The following RSF1 variants were observed in gnomAD, a reference collection of about 807,000 sequenced individuals.
RSF1 encodes HBV pX-associated protein 8.
RSF1 carries 13 observed loss-of-function variants against 145.2 expected under a neutral mutation model. The ratio of observed to expected loss-of-function variants is 0.09; its 90% CI spans 0.06 to 0.14. The LOEUF is 0.14. Among genes scored for constraint, RSF1 ranks in the 10% least tolerant of loss-of-function variants. The pLI is 1.00. For synonymous variants in RSF1, 577 were observed against 592.6 expected, an observed-to-expected ratio of 0.97 and a Z score of 0.38; for missense variants, 1,517 against 1,718.2, an observed-to-expected ratio of 0.88 and a Z score of 2.07.
rs534743883 is a variant in RSF1 at position 77,724,792 on chromosome 11, G to C, written c.733+753C>G. Among the ~76,000 whole-genome samples, 27 of 152,262 alleles carry C rather than the reference G, an allele frequency of 1.8e-4. No homozygotes were observed. In the South Asian group the frequency reaches 5.2e-3, roughly 29 times the overall value. The stretch of plus-strand genomic sequence containing the variant: ...CCCATGAGAATTTAACACCGCCATT[G>C]ATCTGACAGGAGGTGGAGCTTGGGC... On this transcript the variant is annotated intron_variant, in intron 5 of 15. Coordinates refer to ENST00000308488, the MANE Select transcript of RSF1 (RefSeq NM_016578.4).
chr11:77,697,885 A>T (rs1960321181), intron 7 of RSF1, among the ~76,000 whole-genome samples: 1 of 152,178 alleles, frequency 6.6e-6, no homozygotes, highest in African/African-American at 2.4e-5. Context: ...AAAAAAATTT[A>T]AAGCCCTACT....
chr11:77,753,020 AATGAGAGGC>A (rs1948079889), intron 2 of RSF1, among the ~76,000 whole-genome samples: 1 of 152,222 alleles, frequency 6.6e-6, no homozygotes, highest in Admixed American at 6.5e-5. Context: ...ATGGTCTAAA[AATGAGAGGC>A]ATGAATAATC....
intron 1 of RSF1, chr11:77,813,803 T>C (rs1225838027): frequency 3.9e-6 from 1 of 253,570 alleles, no homozygotes; most frequent in Admixed American, 4.7e-5. Context: ...AGAGCGGCCA[T>C]TTATAATTTG....
rs1960289199 is a variant in RSF1, at chr11:77,696,839, TC to T, written c.2715+1647del. 7.2e-5 allele frequency among the ~76,000 whole-genome samples: 11 copies of T among 152,340 alleles called. No homozygotes were observed. The South Asian group carries it at 2.1e-3, about 29-fold the overall frequency. On this transcript the variant is annotated intron_variant, in intron 7 of 15. Transcript: ENST00000308488. ...AGCATAATTTCAACATCTATTCTTC[TC>T]AGAGCTCAAGTCATTCTCTGGTTCT...
upstream of RSF1, among the ~76,000 whole-genome samples, chr11:77,823,214 CAAAAAAAAAA>C: frequency 1.1e-5 from 1 of 92,734 alleles, no homozygotes; most frequent in East Asian, 3.0e-4. Flanking sequence ...GACTCCGTCT[CAAAAAAAAAA>C]AAAAAAAAAA....
At chr11:77,820,380 G>T in intron 1 of RSF1, 148 bp downstream of exon 1, 1 of 849,090 alleles carries the variant, frequency 1.2e-6, no homozygotes, top group Non-Finnish European at 1.8e-6. Flanking sequence ...GGGGCTGGGC[G>T]GAGAAGACCA....
chr11:77,806,610 G>T (rs967817360), intron 1 of RSF1, among the ~76,000 whole-genome samples: 8 of 152,076 alleles, frequency 5.3e-5, no homozygotes, highest in African/African-American at 7.2e-5. Flanking sequence ...GAGTCCAGGA[G>T]TTCTGTGTTG....
chr11:77,715,723 C>T (rs1241490971), intron 5 of RSF1, among the ~76,000 whole-genome samples: 2 of 152,204 alleles, frequency 1.3e-5, no homozygotes, highest in East Asian at 3.9e-4. Context: ...GTTGGGATTA[C>T]AGGCGTGAGC....
chr11:77,783,801 C>A (rs1450139867), intron 1 of RSF1, among the ~76,000 whole-genome samples: 1 of 151,996 alleles, frequency 6.6e-6, no homozygotes, highest in Non-Finnish European at 1.5e-5. Flanking sequence ...ATGTTTACTC[C>A]ACTGCACTCC....
intron 9 of RSF1, 113 bp from the exon 10 acceptor site, chr11:77,685,272 G>C (rs1959973024): frequency 3.8e-6 from 2 of 522,084 alleles, no homozygotes; most frequent in South Asian, 3.7e-5. Context: ...ACAGCAGAGG[G>C]TAAGTCACAG....
At chr11:77,797,572 T>A (rs138282431) in intron 1 of RSF1, among the ~76,000 whole-genome samples, 2 of 152,288 alleles carry the variant, frequency 1.3e-5, no homozygotes, top group East Asian at 3.9e-4. Context: ...GAAGAAAATC[T>A]GGCCAATACC....
At chr11:77,781,358 C>A (rs949163908) in intron 1 of RSF1, among the ~76,000 whole-genome samples, 4 of 152,182 alleles carry the variant, frequency 2.6e-5, no homozygotes, top group African/African-American at 7.2e-5. Context: ...CTCAGCCTTG[C>A]AAAATGTTAG....
intron 1 of RSF1, among the ~76,000 whole-genome samples, chr11:77,816,056 A>G (rs1182779139): frequency 1.3e-5 from 2 of 152,228 alleles, no homozygotes; most frequent in East Asian, 1.9e-4. Context: ...ACTCTATGAC[A>G]TATCGAAAAT....
intron 4 of RSF1, among the ~76,000 whole-genome samples, chr11:77,728,163 G>A (rs1961103688): frequency 6.6e-6 from 1 of 152,104 alleles, no homozygotes; most frequent in South Asian, 2.1e-4. Flanking sequence ...CAAAATACCA[G>A]GCTTTCTTAG....
chr11:77,835,899 C>T, the RSF1 span, among the ~76,000 whole-genome samples: 11 of 151,690 alleles, frequency 7.3e-5, no homozygotes, highest in Admixed American at 2.0e-4. Flanking sequence ...CAGAGTGAGA[C>T]TCTGTGTCAA....
chr11:77,842,411 C>A, the RSF1 span: 1 of 1,414,166 alleles, frequency 7.1e-7, no homozygotes, highest in South Asian at 1.3e-5. Context: ...GGCTTAGTAT[C>A]ACTGTATTTT....
At position 77,675,235 on chromosome 11, in the gene RSF1, C is replaced by T; in HGVS notation, c.3363G>A (p.Val1121=). 2 of 1,613,296 alleles carry T rather than the reference C, an allele frequency of 1.2e-6. No homozygotes were observed. The highest frequency in any genetic ancestry group is 8.5e-7 in the Non-Finnish European group (1 of 1,179,850). Residue 1121 remains valine, a synonymous_variant, in exon 14 of 16, where the codon GTG becomes GTA. Coordinates refer to ENST00000308488, the MANE Select transcript of RSF1 (RefSeq NM_016578.4). ...ISDGSQDEFV[V]SDENPDESEE... ...CACTTTCATCTGGGTTTTCATCAGACACAACAAACTCATCTTGAGATCTGT... is the reference window on the plus strand; with the variant it reads ...CACTTTCATCTGGGTTTTCATCAGATACAACAAACTCATCTTGAGATCTGT...
chr11:77,820,079 G>C (rs750205123), intron 1 of RSF1, among the ~76,000 whole-genome samples: 3 of 152,202 alleles, frequency 2.0e-5, no homozygotes, highest in Non-Finnish European at 4.4e-5. Context: ...AGCCTTCCCC[G>C]AGATGGTCGG....
At chr11:77,761,534 C>T (rs777655104) in intron 2 of RSF1, among the ~76,000 whole-genome samples, 9 of 152,052 alleles carry the variant, frequency 5.9e-5, no homozygotes, top group African/African-American at 1.9e-4. Flanking sequence ...AGAGGCAGGG[C>T]AGTAGAAGTA....
Sources: allele counts gnomAD v4.1 joint callset (sites outside exome capture counted in the v4.1 genomes callset), GRCh38; gene constraint gnomAD v4.1.1; transcripts MANE v1.5; gene names NCBI Gene and HGNC (gene_info 2026-07-23, HGNC 2026-07-21).